STAC: variants seen among roughly 807,000 people sequenced by gnomAD.
STAC encodes SH3 and cysteine rich domain.
Under a neutral mutation model 48.8 loss-of-function variants are expected in STAC, and 43 were observed. The observed-to-expected ratio is 0.88, with a 90% CI of 0.69 to 1.14. STAC has a LOEUF of 1.14. STAC is among the 50% of genes most tolerant of loss of function. The pLI is 0.00. For missense variants in STAC, 497 were observed against 504.0 expected, an observed-to-expected ratio of 0.99 and a Z score of 0.13; for synonymous variants, 193 against 179.5, an observed-to-expected ratio of 1.07 and a Z score of -0.60.
chr3:36,400,098 A>T (rs1330767018), intron 1 of STAC, among the ~76,000 whole-genome samples: 1 of 152,228 alleles, frequency 6.6e-6, no homozygotes, highest in Non-Finnish European at 1.5e-5. Flanking sequence ...AGCACTAAAC[A>T]CTTTGCTTTC....
intron 2 of STAC, among the ~76,000 whole-genome samples, chr3:36,444,042 A>G (rs1455676071): frequency 1.3e-5 from 2 of 152,198 alleles, no homozygotes; most frequent in Admixed American, 6.5e-5. Context: ...GCATGGTCAT[A>G]TCAGTGACAT....
intron 2 of STAC, among the ~76,000 whole-genome samples, chr3:36,444,693 C>CACATCTCTAGTGGCTTGCA (rs1180829257): frequency 2.0e-4 from 31 of 152,328 alleles, no homozygotes; most frequent in African/African-American, 7.5e-4. Context: ...GGACTGCAAG[C>CACATCTCTAGTGGCTTGCA]CACCTGACAA....
intron 2 of STAC, among the ~76,000 whole-genome samples, chr3:36,447,240 C>G (rs1214055175): frequency 6.6e-6 from 1 of 152,116 alleles, no homozygotes; most frequent in Non-Finnish European, 1.5e-5. Context: ...CAAGGAGCAT[C>G]CCTCTTGGCC....
intron 2 of STAC, among the ~76,000 whole-genome samples, chr3:36,462,288 C>T (rs1697040213): frequency 2.6e-5 from 4 of 151,914 alleles, no homozygotes; most frequent in Admixed American, 2.6e-4. Context: ...CTGGAGTATG[C>T]ATTGGGGGAA....
At chr3:36,468,094 C>A (rs1261887665) in intron 2 of STAC, among the ~76,000 whole-genome samples, 3 of 152,044 alleles carry the variant, frequency 2.0e-5, no homozygotes, top group Admixed American at 6.6e-5. Context: ...ATCTTGATTT[C>A]ATTGTTGACC....
chr3:36,430,931 A>G (rs1379285460), intron 1 of STAC, among the ~76,000 whole-genome samples: 3 of 152,196 alleles, frequency 2.0e-5, no homozygotes, highest in Admixed American at 1.3e-4. Context: ...CCTGTCTCCA[A>G]ATAAAATCAT....
chr3:36,447,630 C>CTA (rs1291404012), intron 2 of STAC, among the ~76,000 whole-genome samples: 10 of 146,616 alleles, frequency 6.8e-5, no homozygotes, highest in Admixed American at 2.7e-4. Flanking sequence ...AATGGAAAAA[C>CTA]TATATATATG....
intron 10 of STAC, among the ~76,000 whole-genome samples, chr3:36,532,124 C>T (rs899675947): frequency 6.6e-6 from 1 of 152,122 alleles, no homozygotes; most frequent in Non-Finnish European, 1.5e-5. Flanking sequence ...ACACACATCA[C>T]CATATCCAAC....
At chr3:36,526,885 C>A (rs978094596) in intron 8 of STAC, among the ~76,000 whole-genome samples, 2 of 152,130 alleles carry the variant, frequency 1.3e-5, no homozygotes, top group African/African-American at 4.8e-5. Flanking sequence ...ATAAGCTGAC[C>A]TTTTCTCTCA....
chr3:36,488,218 C>A (rs1697867574), intron 5 of STAC, among the ~76,000 whole-genome samples: 1 of 152,164 alleles, frequency 6.6e-6, no homozygotes, highest in Admixed American at 6.5e-5. Flanking sequence ...CAGGTGCATG[C>A]CACTGCACCC....
At chr3:36,387,792 A>T (rs1175383900) in intron 1 of STAC, among the ~76,000 whole-genome samples, 1 of 152,078 alleles carries the variant, frequency 6.6e-6, no homozygotes, top group East Asian at 1.9e-4. Flanking sequence ...TGCTGCTATG[A>T]AGTGGGTGTG....
At chr3:36,532,724 C>T (rs971487033) in intron 10 of STAC, among the ~76,000 whole-genome samples, 2 of 152,146 alleles carry the variant, frequency 1.3e-5, no homozygotes, top group Non-Finnish European at 2.9e-5. Flanking sequence ...ATGACTATTC[C>T]TTTTTGGATG....
rs780719553 is a variant in STAC, at chr3:36,528,893, C to T, written c.1018C>T (p.Gln340Ter). Residue 340 changes from glutamine to a stop codon, truncating the protein, a stop_gained, in exon 10 of 11, where the codon CAG (glutamine) becomes TAG (stop). Transcript: ENST00000273183. LOFTEE classifies it high-confidence loss of function. Reference sequence around the variant, plus strand: ...TGGCTTCTTTCCAGCCAACTTTGTTCAGAGACTACAACAAAATGAGAAGAT... The same window carrying T: ...TGGCTTCTTTCCAGCCAACTTTGTTTAGAGACTACAACAAAATGAGAAGAT... ...RIGFFPANFV[Q>*]RLQQNEKIFR... is the part of the protein sequence containing the mutation. 1.9e-6 allele frequency: 3 copies of T among 1,613,596 alleles called. No individual in the cohort carries two copies. The highest frequency in any genetic ancestry group is 2.5e-6 in the Non-Finnish European group (3 of 1,179,812).
intron 1 of STAC, among the ~76,000 whole-genome samples, chr3:36,438,773 G>A (rs770233438): frequency 6.6e-5 from 10 of 152,112 alleles, no homozygotes; most frequent in Non-Finnish European, 8.8e-5. Flanking sequence ...CACATATGAC[G>A]AAGGGTTTGA....
At chr3:36,545,137 A>G (rs967288081) in intron 10 of STAC, among the ~76,000 whole-genome samples, 6 of 152,168 alleles carry the variant, frequency 3.9e-5, no homozygotes, top group Non-Finnish European at 7.3e-5. Context: ...TGCCCTTCTC[A>G]GGGAGGGCCT....
intron 1 of STAC, among the ~76,000 whole-genome samples, chr3:36,428,596 C>T (rs971769243): frequency 1.3e-5 from 2 of 152,042 alleles, no homozygotes; most frequent in Admixed American, 6.6e-5. Context: ...GGGGAAGTCT[C>T]GTGTGAATGA....
intron 1 of STAC, among the ~76,000 whole-genome samples, chr3:36,442,270 G>A (rs970639110): frequency 6.6e-6 from 1 of 152,152 alleles, no homozygotes; most frequent in East Asian, 1.9e-4. Context: ...TTTTTAGTTT[G>A]ATATCTGAGC....
intron 1 of STAC, among the ~76,000 whole-genome samples, chr3:36,401,515 T>C (rs1446740095): frequency 1.3e-5 from 2 of 152,216 alleles, no homozygotes; most frequent in Non-Finnish European, 2.9e-5. Context: ...AAGCCCGCAC[T>C]GGCTGCTTTA....
At chr3:36,479,322 T>C (rs1697582169) in intron 2 of STAC, among the ~76,000 whole-genome samples, 1 of 152,200 alleles carries the variant, frequency 6.6e-6, no homozygotes, top group African/African-American at 2.4e-5. Context: ...GTTTCCAAGT[T>C]GCTACTGAGA....
Sources: gnomAD v4.1 joint callset for allele counts (sites outside exome capture counted in the v4.1 genomes callset) on GRCh38, gnomAD v4.1.1 for gene constraint, MANE v1.5 for transcripts, NCBI Gene and HGNC (gene_info 2026-07-23, HGNC 2026-07-21) for gene names.